The following RANBP2 variants were observed in gnomAD, a reference collection of about 807,000 sequenced individuals.
RANBP2 encodes the protein E3 SUMO-protein ligase RanBP2.
In RANBP2, 57 loss-of-function variants were observed where a neutral mutation model predicts 303.6. That is an observed-to-expected ratio of 0.19 (90% confidence interval 0.15 to 0.23). The LOEUF (loss-of-function observed/expected upper bound fraction) is 0.23. Ranked by LOEUF, RANBP2 falls within the 10% of genes least tolerant of loss-of-function variation. The pLI is 1.00. For synonymous variants in RANBP2, 1,167 were observed against 1,301.5 expected (o/e 0.90, Z 2.23); for missense variants, 3,138 against 3,780.8 (o/e 0.83, Z 4.46).
At chr2:108,890,843 C>T in the RANBP2 span, among the ~76,000 whole-genome samples, 1 of 152,088 alleles carries the variant, frequency 6.6e-6, no homozygotes, top group South Asian at 2.1e-4. Flanking sequence ...GTCATGAAGG[C>T]TTTACTCATT....
the RANBP2 span, among the ~76,000 whole-genome samples, chr2:109,226,349 A>G: frequency 6.6e-6 from 1 of 152,264 alleles, no homozygotes; most frequent in East Asian, 1.9e-4. Context: ...CTAAAGTCAC[A>G]TTGACTCAGG....
At chr2:108,946,100 A>G in the RANBP2 span, among the ~76,000 whole-genome samples, 1 of 152,182 alleles carries the variant, frequency 6.6e-6, no homozygotes, top group East Asian at 1.9e-4. Context: ...TGGTGACTCC[A>G]AGGACACACC....
chr2:108,747,359 A>G (rs1573754411), intron 8 of RANBP2, among the ~76,000 whole-genome samples: 1 of 152,384 alleles, frequency 6.6e-6, no homozygotes, highest in East Asian at 1.9e-4. Context: ...CATTGAATCA[A>G]GCAGTGAACT....
At position 108,764,361 on chromosome 2, in the gene RANBP2, G is replaced by A. The variant is rs760421337; in HGVS notation, c.3822G>A (p.Glu1274=). The change falls in exon 20 of 29, where the codon GAG becomes GAA. Residue 1274 remains glutamate, a synonymous_variant. Coordinates refer to ENST00000283195, the MANE Select transcript of RANBP2 (RefSeq NM_006267.5). The stretch of plus-strand genomic sequence containing the variant: ...GGCATGCCCTTGATTATGCAGATGA[G>A]TTGCCAAAACCAGAACAACTTGCTA... ...FVWHALDYAD[E]LPKPEQLAIR... is the part of the protein sequence containing the mutation. 8.7e-6 allele frequency: 14 copies of A among 1,613,852 alleles called. No individual in the cohort carries two copies. Among genetic ancestry groups the A allele is most frequent in the Middle Eastern group, 3.3e-4 (2 of 6,062 alleles).
the RANBP2 span, chr2:108,791,467 T>G: frequency 1.8e-6 from 1 of 568,294 alleles, no homozygotes; most frequent in East Asian, 3.9e-5. Context: ...CTATTTAATG[T>G]GTAGAAAAAG....
chr2:109,615,151 G>A, the RANBP2 span: 1 of 1,549,458 alleles, frequency 6.5e-7, no homozygotes, highest in Non-Finnish European at 8.7e-7. Flanking sequence ...AGGAGCGTGT[G>A]TCCCGGGGGC....
the RANBP2 span, among the ~76,000 whole-genome samples, chr2:109,725,037 C>T: frequency 6.6e-6 from 1 of 152,214 alleles, no homozygotes; most frequent in African/African-American, 2.4e-5. Context: ...GCAGTGCTTA[C>T]TCACTCATGG....
the RANBP2 span, among the ~76,000 whole-genome samples, chr2:109,344,730 T>G: frequency 6.6e-6 from 1 of 151,272 alleles, no homozygotes; most frequent in East Asian, 2.0e-4. Flanking sequence ...GCAGGAGGAG[T>G]GCCCAGGCCA....
chr2:108,808,096 A>G, the RANBP2 span, among the ~76,000 whole-genome samples: 1 of 152,196 alleles, frequency 6.6e-6, no homozygotes, highest in East Asian at 1.9e-4. Flanking sequence ...ATTTCACTTA[A>G]CATAAGTGTG....
At chr2:108,833,884 C>CG in the RANBP2 span, among the ~76,000 whole-genome samples, 2 of 142,886 alleles carry the variant, frequency 1.4e-5, no homozygotes, top group East Asian at 4.2e-4. Flanking sequence ...CCCGCTACCA[C>CG]GCCCGGCTAA....
chr2:109,628,311 T>C, the RANBP2 span, among the ~76,000 whole-genome samples: 1 of 152,054 alleles, frequency 6.6e-6, no homozygotes, highest in Non-Finnish European at 1.5e-5. Flanking sequence ...CTGGCCAACA[T>C]AGCAAAACCT....
At chr2:109,634,399 G>A in the RANBP2 span, among the ~76,000 whole-genome samples, 1 of 152,240 alleles carries the variant, frequency 6.6e-6, no homozygotes, top group South Asian at 2.1e-4. Context: ...GGGTGATTAG[G>A]CTGAATTTGT....
chr2:109,406,512 G>A, the RANBP2 span, among the ~76,000 whole-genome samples: 1 of 152,118 alleles, frequency 6.6e-6, no homozygotes, highest in Non-Finnish European at 1.5e-5. Flanking sequence ...CGGTAGAAGA[G>A]GGCTTGGCTC....
the RANBP2 span, among the ~76,000 whole-genome samples, chr2:109,590,140 A>C: frequency 6.6e-5 from 10 of 151,792 alleles, no homozygotes; most frequent in Non-Finnish European, 1.0e-4. Flanking sequence ...AGATGTAAAT[A>C]TCTCGAAGGG....
the RANBP2 span, among the ~76,000 whole-genome samples, chr2:109,183,077 A>T: frequency 6.6e-6 from 1 of 152,208 alleles, no homozygotes; most frequent in Non-Finnish European, 1.5e-5. Context: ...TGACTAATTT[A>T]TTCAGCACTA....
the RANBP2 span, among the ~76,000 whole-genome samples, chr2:109,020,949 C>T: frequency 6.6e-6 from 1 of 152,192 alleles, no homozygotes; most frequent in African/African-American, 2.4e-5. Flanking sequence ...GCAAGGAATC[C>T]AGGCAGGGCA....
At chr2:108,883,413 T>G in the RANBP2 span, 2 of 152,232 alleles carry the variant, frequency 1.3e-5, no homozygotes, top group Non-Finnish European at 2.9e-5. Flanking sequence ...CTTTCAGTCT[T>G]GAGCACAATG....
At chr2:108,873,561 A>T in the RANBP2 span, 1 of 1,609,102 alleles carries the variant, frequency 6.2e-7, no homozygotes, top group Admixed American at 1.7e-5. Flanking sequence ...AAAACTCAGT[A>T]TTATTTTACA....
chr2:109,489,746 G>A, the RANBP2 span, among the ~76,000 whole-genome samples: 4 of 122,860 alleles, frequency 3.3e-5, no homozygotes, highest in South Asian at 9.1e-4. Flanking sequence ...TTGGCGGGGG[G>A]TGGGCGGGGG....
Sources: gnomAD v4.1 joint callset for allele counts (sites outside exome capture counted in the v4.1 genomes callset) on GRCh38, gnomAD v4.1.1 for gene constraint, MANE v1.5 for transcripts, NCBI Gene and HGNC (gene_info 2026-07-23, HGNC 2026-07-21) for gene names.